Variants in CDKL3 observed in about 807,000 individuals in gnomAD.
CDKL3 encodes the protein cyclin dependent kinase like 3.
In CDKL3, 65 loss-of-function variants were observed where a neutral mutation model predicts 69.3. The observed-to-expected ratio is 0.94, with a 90% CI of 0.77 to 1.15. CDKL3 has a LOEUF of 1.15. CDKL3 is among the 50% of genes most tolerant of loss of function. The pLI, the probability that CDKL3 is intolerant of heterozygous loss-of-function variation, is 0.00. For synonymous variants in CDKL3, 202 were observed against 221.6 expected (o/e 0.91, Z 0.79); for missense variants, 652 against 689.2 (o/e 0.95, Z 0.61).
At position 134,321,773 on chromosome 5, in the gene CDKL3, T is replaced by C. The variant is rs1772857935; in HGVS notation, c.652+18A>G. ...TTTATTTTAGACATGTAACTCATGTTATTTCAGTAATACCTACCCACTTTC... is the reference window on the plus strand; with the variant it reads ...TTTATTTTAGACATGTAACTCATGTCATTTCAGTAATACCTACCCACTTTC... On this transcript the variant is annotated intron_variant, in intron 5 of 12. Coordinates refer to ENST00000265334, the MANE Select transcript of CDKL3 (RefSeq NM_001113575.2). 8.0e-7 allele frequency: 1 copy of C among 1,252,104 alleles called. No individual in the cohort carries two copies. The highest frequency in any genetic ancestry group is 1.3e-5 in the South Asian group (1 of 79,614). 77.6% of individuals were successfully genotyped at this position (1,252,104 alleles called of 1,614,324 possible). A position where few individuals can be genotyped will look rare whatever the true frequency, so the allele number is the denominator to read the frequency against.
intron 12 of CDKL3, chr5:134,302,264 G>A (rs1766540070): frequency 2.2e-6 from 1 of 461,538 alleles, no homozygotes; most frequent in Non-Finnish European, 4.3e-6. Context: ...ACACATGCTT[G>A]TGGCCATATA....
intron 12 of CDKL3, 109 bp downstream of exon 12, chr5:134,302,481 A>C (rs1580797191): frequency 1.6e-6 from 1 of 642,708 alleles, no homozygotes; most frequent in East Asian, 3.0e-5. Context: ...AAAGATTATA[A>C]AATTTTGAAT....
chr5:134,364,699 A>G (rs1394746270), intron 2 of CDKL3, among the ~76,000 whole-genome samples: 1 of 150,964 alleles, frequency 6.6e-6, no homozygotes, highest in African/African-American at 2.4e-5. Flanking sequence ...TTTAGTAGAG[A>G]TGGGGGTTTC....
intron 4 of CDKL3, among the ~76,000 whole-genome samples, chr5:134,340,128 T>C (rs2149557661): frequency 6.6e-6 from 1 of 152,206 alleles, no homozygotes; most frequent in East Asian, 1.9e-4. Context: ...CATTCCAGCC[T>C]GAGCAACAGA....
intron 5 of CDKL3, among the ~76,000 whole-genome samples, chr5:134,321,076 G>A (rs563191502): frequency 2.9e-5 from 4 of 137,986 alleles, no homozygotes; most frequent in Admixed American, 1.5e-4. Flanking sequence ...TGGCGTGATC[G>A]TGGCTCACTG....
At chr5:134,326,635 G>A (rs989505353) in intron 4 of CDKL3, among the ~76,000 whole-genome samples, 1 of 151,448 alleles carries the variant, frequency 6.6e-6, no homozygotes, top group Non-Finnish European at 1.5e-5. Flanking sequence ...GTTTATCACT[G>A]AAACTAGTAA....
intron 3 of CDKL3, among the ~76,000 whole-genome samples, chr5:134,357,202 T>C (rs2149631864): frequency 6.6e-6 from 1 of 152,254 alleles, no homozygotes; most frequent in African/African-American, 2.4e-5. Flanking sequence ...TCCCAGCACT[T>C]TGGGAGGCTA....
intron 10 of CDKL3, among the ~76,000 whole-genome samples, chr5:134,305,449 T>C (rs1426194077): frequency 1.3e-5 from 2 of 152,316 alleles, no homozygotes; most frequent in East Asian, 3.9e-4. Context: ...TTTAATACTA[T>C]TCACTGCACT....
intron 2 of CDKL3, among the ~76,000 whole-genome samples, chr5:134,363,962 A>AAAAAAAAC (rs1756712090): frequency 6.8e-6 from 1 of 146,276 alleles, no homozygotes; most frequent in African/African-American, 2.6e-5. Context: ...TTTCTTAAAA[A>AAAAAAAAC]AAAAAAAAAA....
At chr5:134,302,434 G>A (rs530920077) in intron 12 of CDKL3, among the ~76,000 whole-genome samples, 156 bp downstream of exon 12, 4 of 152,086 alleles carry the variant, frequency 2.6e-5, no homozygotes, top group African/African-American at 9.7e-5. Flanking sequence ...TTATTAATGG[G>A]TTATTCTAGG....
chr5:134,295,808 C>T (rs1765320689), downstream of CDKL3, among the ~76,000 whole-genome samples: 1 of 152,110 alleles, frequency 6.6e-6, no homozygotes, highest in South Asian at 2.1e-4. Flanking sequence ...CTGGGTTGTA[C>T]ATTGTATACT....
chr5:134,311,459 T>C (rs1022378214), intron 7 of CDKL3, among the ~76,000 whole-genome samples: 5 of 152,088 alleles, frequency 3.3e-5, no homozygotes, highest in East Asian at 1.9e-4. Context: ...TCAGCCGAGA[T>C]TGTGCCACTG....
intron 8 of CDKL3, among the ~76,000 whole-genome samples, chr5:134,286,908 T>C (rs557426050): frequency 6.6e-6 from 1 of 152,218 alleles, no homozygotes; most frequent in East Asian, 1.9e-4. Context: ...AATGATAAAG[T>C]GGAAACATTT....
chr5:134,325,211 A>G (rs1041664907), intron 4 of CDKL3, among the ~76,000 whole-genome samples: 2 of 152,052 alleles, frequency 1.3e-5, no homozygotes, highest in African/African-American at 2.4e-5. Context: ...GAGGGAAACC[A>G]AGATTCTATA....
At chr5:134,357,012 T>TCATCTACA (rs1754772550) in intron 3 of CDKL3, among the ~76,000 whole-genome samples, 1 of 151,628 alleles carries the variant, frequency 6.6e-6, no homozygotes, top group Non-Finnish European at 1.5e-5. Context: ...TAGCACTTCA[T>TCATCTACA]CATCTACACT....
rs575427233 is a variant in CDKL3 at position 134,288,301 on chromosome 5, A to G, written c.*678-1742T>C. Among the ~76,000 whole-genome samples the G allele has an allele frequency of 2.0e-5, 3 of 152,342 alleles. No homozygotes were observed. In the East Asian group the frequency reaches 5.8e-4, roughly 29 times the overall value. On this transcript the variant is annotated intron_variant and NMD_transcript_variant, in intron 8 of 8. Coordinates refer to the CDKL3 transcript ENST00000519312. ...GTGTTGAGCTAAACTTGCTTTTCTC[A>G]GGGTGGAAAAGAATTACAGTACTAG...
At chr5:134,350,959 CTT>C (rs1003764349) in intron 3 of CDKL3, among the ~76,000 whole-genome samples, 11 of 152,100 alleles carry the variant, frequency 7.2e-5, no homozygotes, top group African/African-American at 2.7e-4. Context: ...AGCTAAACCT[CTT>C]GAGACATTAT....
At chr5:134,326,695 C>T (rs1774283576) in intron 4 of CDKL3, among the ~76,000 whole-genome samples, 1 of 151,006 alleles carries the variant, frequency 6.6e-6, no homozygotes, top group African/African-American at 2.4e-5. Flanking sequence ...GGCTGGAGTG[C>T]AATGGCGCAG....
intron 2 of CDKL3, among the ~76,000 whole-genome samples, chr5:134,362,992 C>T (rs1756426112): frequency 1.3e-5 from 2 of 152,094 alleles, no homozygotes; most frequent in South Asian, 4.1e-4. Context: ...TCAAAATTAT[C>T]TGCATAACAG....
Sources: allele counts gnomAD v4.1 joint callset (sites outside exome capture counted in the v4.1 genomes callset), GRCh38; gene constraint gnomAD v4.1.1; transcripts MANE v1.5; gene names NCBI Gene and HGNC (gene_info 2026-07-23, HGNC 2026-07-21).